Variants in LARP1 observed in about 807,000 individuals in gnomAD.
LARP1 encodes the protein la-related protein 1.
A neutral mutation model predicts 122.7 loss-of-function variants in LARP1; 36 were observed. That is an observed-to-expected ratio of 0.29 (90% CI 0.22 to 0.39). The LOEUF (loss-of-function observed/expected upper bound fraction) is 0.39. Among genes scored for constraint, LARP1 ranks in the 10% least tolerant of loss-of-function variants. LARP1 has a pLI of 1.00. For synonymous variants in LARP1, 539 were observed against 528.7 expected, an observed-to-expected ratio of 1.02 and a Z score of -0.27; for missense variants, 1,040 against 1,403.6, an observed-to-expected ratio of 0.74 and a Z score of 4.14.
chr5:154,733,820 CTT>C (rs1470098669), intron 1 of LARP1, among the ~76,000 whole-genome samples: 1 of 152,062 alleles, frequency 6.6e-6, no homozygotes, highest in Non-Finnish European at 1.5e-5. Flanking sequence ...ACCTCGGCCT[CTT>C]AAAGTGGTGG....
At chr5:154,690,761 CG>C (rs1273834860) in intron 1 of LARP1, among the ~76,000 whole-genome samples, 1 of 63,006 alleles carries the variant, frequency 1.6e-5, no homozygotes, top group Non-Finnish European at 3.1e-5. Flanking sequence ...TGGGATGACC[CG>C]GGCGGGGGGG....
rs528502582 is a variant in LARP1, at chr5:154,756,234, T to A, written c.436+41T>A. On this transcript the variant is annotated intron_variant, in intron 1 of 18. Transcript: ENST00000518297. The stretch of plus-strand genomic sequence containing the variant: ...TGCCCTCCTGGGTCCGGGGGCCTCT[T>A]CCGGGGACATGGGAGTCCCCTCCCC... The A allele has an allele frequency of 2.5e-6, 3 of 1,195,876 alleles. No individual in the cohort carries two copies. The South Asian group carries it at 4.5e-5, about 18-fold the overall frequency. The allele number at this position is 1,195,876 out of a possible 1,614,324, so 74.1% of individuals were successfully genotyped here. A position where few individuals can be genotyped will look rare whatever the true frequency, so the allele number is the denominator to read the frequency against.
intron 1 of LARP1, among the ~76,000 whole-genome samples, chr5:154,688,801 G>C (rs551861684): frequency 6.6e-6 from 1 of 152,254 alleles, no homozygotes. Flanking sequence ...ATTCCAGCCT[G>C]GGTGACAGAA....
At chr5:154,685,981 T>G in intron 1 of LARP1, 1 of 471,614 alleles carries the variant, frequency 2.1e-6, no homozygotes, top group South Asian at 1.6e-5. Context: ...TAAACTTTCT[T>G]AACCCCATAA....
At chr5:154,692,895 T>C (rs1182855056) in intron 1 of LARP1, among the ~76,000 whole-genome samples, 1 of 152,084 alleles carries the variant, frequency 6.6e-6, no homozygotes, top group Non-Finnish European at 1.5e-5. Flanking sequence ...CATATATATG[T>C]GTGTGTATAT....
intron 1 of LARP1, among the ~76,000 whole-genome samples, chr5:154,728,861 C>T (rs544861188): frequency 2.6e-5 from 4 of 152,238 alleles, no homozygotes; most frequent in Non-Finnish European, 5.9e-5. Context: ...AAAGGGCCCA[C>T]TAAATGGCAG....
At chr5:154,691,412 C>T (rs1309905662) in intron 1 of LARP1, among the ~76,000 whole-genome samples, 3 of 152,308 alleles carry the variant, frequency 2.0e-5, no homozygotes, top group African/African-American at 7.2e-5. Flanking sequence ...CCCTTTCCCC[C>T]GTCTCTGCAG....
rs958198773 is a variant in LARP1, at chr5:154,756,352, C to G, written c.436+159C>G. 8 of 927,704 alleles carry G rather than the reference C, an allele frequency of 8.6e-6. No individual in the cohort carries two copies. The African/African-American group carries it at 1.4e-4, about 17-fold the overall frequency. 57.5% of individuals were successfully genotyped at this position (927,704 alleles called of 1,614,324 possible). On this transcript the variant is annotated intron_variant, in intron 1 of 18. Coordinates refer to ENST00000518297, the MANE Select transcript of LARP1 (RefSeq NM_033551.3). Reference sequence around the variant, plus strand: ...TGGTTGATCCTGGTCGCCGCGCCCTCCCCCCCACCGTACACTCAGGGACCT... The same window carrying G: ...TGGTTGATCCTGGTCGCCGCGCCCTGCCCCCCACCGTACACTCAGGGACCT...
chr5:154,807,824 A>G (rs972645685), intron 15 of LARP1, among the ~76,000 whole-genome samples: 2 of 152,194 alleles, frequency 1.3e-5, no homozygotes, highest in African/African-American at 4.8e-5. Context: ...AAAGTGCTGG[A>G]ATTACAGACG....
chr5:154,746,666 A>G (rs1225054413), intron 1 of LARP1, among the ~76,000 whole-genome samples: 6 of 152,114 alleles, frequency 3.9e-5, no homozygotes, highest in African/African-American at 1.4e-4. Flanking sequence ...TCCTCTCTCC[A>G]TGAAAGCCCT....
At chr5:154,740,348 G>A (rs1292143944) in intron 1 of LARP1, among the ~76,000 whole-genome samples, 2 of 148,794 alleles carry the variant, frequency 1.3e-5, no homozygotes, top group Non-Finnish European at 3.0e-5. Context: ...AGCCGAAATC[G>A]TGCCATTGCA....
intron 10 of LARP1, among the ~76,000 whole-genome samples, chr5:154,801,009 A>G (rs1478320386): frequency 1.3e-5 from 2 of 152,170 alleles, no homozygotes; most frequent in African/African-American, 4.8e-5. Context: ...CAGGGGTCAG[A>G]CTTAGCTCCC....
intron 1 of LARP1, among the ~76,000 whole-genome samples, chr5:154,687,204 A>G (rs1005989980): frequency 1.3e-5 from 2 of 152,206 alleles, no homozygotes; most frequent in African/African-American, 4.8e-5. Context: ...CTGTTACAAT[A>G]TTGTAGCTTG....
At chr5:154,788,553 C>T (rs896876791) in intron 1 of LARP1, among the ~76,000 whole-genome samples, 2 of 152,132 alleles carry the variant, frequency 1.3e-5, no homozygotes, top group Non-Finnish European at 2.9e-5. Flanking sequence ...GGGCAGCTCT[C>T]GCCCTGGCAT....
In LARP1 at chr5:154,816,226, C is replaced by T. The variant is rs890350627; in HGVS notation, c.*2130C>T. On this transcript the variant is annotated 3_prime_UTR_variant, in exon 19 of 19. Coordinates refer to ENST00000518297, the MANE Select transcript of LARP1 (RefSeq NM_033551.3). ...TCCCTGCCCAGTCTGGTGCCTGCCC[C>T]ACATTGTACCGGACACTGGATTCCT... 6.5e-6 allele frequency: 1 copy of T among 153,664 alleles called. No homozygotes were observed. Among genetic ancestry groups the T allele is most frequent in the Admixed American group, 6.5e-5 (1 of 15,296 alleles). The allele number at this position is 153,664 out of a possible 1,614,324, so 9.5% of individuals were successfully genotyped here.
At chr5:154,734,417 C>T (rs922460281) in intron 1 of LARP1, among the ~76,000 whole-genome samples, 3 of 152,008 alleles carry the variant, frequency 2.0e-5, no homozygotes, top group South Asian at 4.1e-4. Context: ...ACAAAATGTT[C>T]CCTAAAAAAA....
At chr5:154,716,933 A>G (rs1322445786) in intron 1 of LARP1, among the ~76,000 whole-genome samples, 1 of 152,018 alleles carries the variant, frequency 6.6e-6, no homozygotes. Context: ...CATTGAGTGC[A>G]TCTGTTGTCC....
Position 154,790,373 on chromosome 5 carries a change from G to T in LARP1, c.485G>T (p.Arg162Leu), listed in dbSNP as rs145483176. Residue 162 changes from arginine (R) to leucine (L), a missense_variant, in exon 2 of 19, where the codon CGC becomes CTC. Physicochemically the swap from Arg to Leu is moderately radical, Grantham distance 102 (BLOSUM62 -2). This residue lies in a region of LARP1 where 257 missense variants were observed against 273.3 expected (regional missense o/e 0.94). Coordinates refer to ENST00000518297, the MANE Select transcript of LARP1 (RefSeq NM_033551.3). ...GTGAGGGCAGCTGTTCCTAAACAGCGCAAAGGCAGCAAGGTAAAGAATAAC... is the reference window on the plus strand; with the variant it reads ...GTGAGGGCAGCTGTTCCTAAACAGCTCAAAGGCAGCAAGGTAAAGAATAAC... ...KVVRAAVPKQ[R>L]KGSKVGDFGD... 6.2e-7 allele frequency: 1 copy of T among 1,613,498 alleles called. No homozygotes were observed. The highest frequency in any genetic ancestry group is 1.7e-5 in the Admixed American group (1 of 59,920).
rs191063713 is a variant in LARP1, at chr5:154,764,899, C to T, written c.436+8706C>T. Reference sequence around the variant, plus strand: ...CAGCCTGGGCAACAGAGCAAGACTCCATCACAAAAAAAAAAAAAAAGAAAC... The same window carrying T: ...CAGCCTGGGCAACAGAGCAAGACTCTATCACAAAAAAAAAAAAAAAGAAAC... On this transcript the variant is annotated intron_variant, in intron 1 of 18. Transcript: ENST00000518297. 7.5e-3 allele frequency among the ~76,000 whole-genome samples: 1,045 copies of T among 140,086 alleles called. 9 individuals carry two copies. The highest frequency in any genetic ancestry group is 0.028 in the African/African-American group (1,011 of 36,178). The allele number at this position is 140,086 out of a possible 152,430, so 91.9% of individuals were successfully genotyped here. A position where few individuals can be genotyped will look rare whatever the true frequency, so the allele number is the denominator to read the frequency against.
Sources: allele counts gnomAD v4.1 joint callset (sites outside exome capture counted in the v4.1 genomes callset), GRCh38; gene constraint gnomAD v4.1.1; regional missense constraint gnomAD v4.1.1; transcripts MANE v1.5; gene names NCBI Gene and HGNC (gene_info 2026-07-23, HGNC 2026-07-21).